The following AAMDC variants were observed in gnomAD, a reference collection of about 807,000 sequenced individuals.
AAMDC encodes the protein adipogenesis associated Mth938 domain containing.
Under a neutral mutation model 15.5 loss-of-function variants are expected in AAMDC, and 16 were observed. The ratio of observed to expected loss-of-function variants is 1.03; its 90% CI spans 0.70 to 1.57. AAMDC has a LOEUF of 1.57. Among genes scored for constraint, AAMDC ranks in the 40% most tolerant of loss-of-function variants. AAMDC has a pLI of 0.00. For missense variants in AAMDC, 141 were observed against 144.9 expected (o/e 0.97, Z 0.14); for synonymous variants, 51 against 51.6 (o/e 0.99, Z 0.05).
intron 1 of AAMDC, among the ~76,000 whole-genome samples, chr11:77,832,884 A>G (rs1248737137): frequency 6.6e-6 from 1 of 151,000 alleles, no homozygotes; most frequent in African/African-American, 2.4e-5. Context: ...TCCACAGACC[A>G]GGACAGAGAT....
At chr11:77,859,355 T>C (rs188931577) in intron 2 of AAMDC, among the ~76,000 whole-genome samples, 2 of 152,338 alleles carry the variant, frequency 1.3e-5, no homozygotes, top group East Asian at 3.9e-4. Flanking sequence ...CCCAGCAGTG[T>C]AAGACTGCTA....
intron 1 of AAMDC, chr11:77,831,888 T>C (rs1949444506): frequency 6.6e-6 from 1 of 150,964 alleles, no homozygotes; most frequent in African/African-American, 2.6e-5. Context: ...TTTTTTTTTT[T>C]TAGTAGAGAT....
intron 2 of AAMDC, among the ~76,000 whole-genome samples, chr11:77,861,974 AG>A (rs1368222435): frequency 1.3e-5 from 2 of 152,176 alleles, no homozygotes; most frequent in Non-Finnish European, 2.9e-5. Context: ...GGTGACAGAG[AG>A]GTGTGCTTTC....
intron 5 of AAMDC, among the ~76,000 whole-genome samples, chr11:77,890,758 G>T (rs1952227890): frequency 1.3e-5 from 2 of 152,230 alleles, no homozygotes; most frequent in Admixed American, 6.5e-5. Context: ...AAGGATGAAT[G>T]AGTGGACAGA....
At chr11:77,828,268 C>T (rs1335875700) in intron 1 of AAMDC, among the ~76,000 whole-genome samples, 2 of 151,880 alleles carry the variant, frequency 1.3e-5, no homozygotes, top group African/African-American at 4.8e-5. Context: ...GAGCGCAACT[C>T]TGTCTCAAAA....
chr11:77,832,107 C>A (rs73495941), intron 1 of AAMDC: 1 of 151,994 alleles, frequency 6.6e-6, no homozygotes, highest in Non-Finnish European at 1.5e-5. Flanking sequence ...TCTTGACATA[C>A]CTATGATATC....
chr11:77,882,300 G>A (rs1951824912), intron 5 of AAMDC, among the ~76,000 whole-genome samples: 1 of 152,162 alleles, frequency 6.6e-6, no homozygotes, highest in African/African-American at 2.4e-5. Flanking sequence ...ACCTTAAGAG[G>A]AAATGGGGCC....
At chr11:77,822,432 A>G (rs1315396321) in intron 1 of AAMDC, among the ~76,000 whole-genome samples, 1 of 151,356 alleles carries the variant, frequency 6.6e-6, no homozygotes, top group Admixed American at 6.6e-5. Flanking sequence ...AAAAAAAAAA[A>G]AAAGAATTTG....
intron 2 of AAMDC, among the ~76,000 whole-genome samples, chr11:77,850,097 TAAAC>T (rs1177939206): frequency 6.6e-6 from 1 of 152,256 alleles, no homozygotes; most frequent in African/African-American, 2.4e-5. Flanking sequence ...TAAATGTCAT[TAAAC>T]AAACTGTTTT....
rs767621885 is a variant in AAMDC, at chr11:77,869,799, G to A, written c.210G>A (p.Gly70=). ...KGVQTLVIGR[G]MSEALKVPSS... ...TACAGACTCTTGTGATTGGCCGAGGGATGAGTGAGGCCTTGAAGGTAGGTG... is the reference window on the plus strand; with the variant it reads ...TACAGACTCTTGTGATTGGCCGAGGAATGAGTGAGGCCTTGAAGGTAGGTG... The change falls in exon 3 of 4, where the codon GGG becomes GGA. Residue 70 remains glycine, a synonymous_variant. Transcript: ENST00000393427. The A allele has an allele frequency of 3.1e-6, 5 of 1,613,752 alleles. No individual in the cohort carries two copies. The African/African-American group carries it at 5.3e-5, about 17-fold the overall frequency.
At chr11:77,854,831 C>T (rs12418551) in intron 2 of AAMDC, among the ~76,000 whole-genome samples, 19,696 of 152,222 alleles carry the variant, frequency 0.13, 1,449 homozygotes, top group Admixed American at 0.2. Context: ...CCCACATTTG[C>T]CCTCCATACT....
intron 1 of AAMDC, among the ~76,000 whole-genome samples, chr11:77,830,574 C>T (rs1949375787): frequency 6.7e-6 from 1 of 149,956 alleles, no homozygotes; most frequent in African/African-American, 2.5e-5. Flanking sequence ...AGGCAAGGTG[C>T]CCCCGACCCC....
At chr11:77,831,937 T>A (rs571913120) in intron 1 of AAMDC, 11 of 148,592 alleles carry the variant, frequency 7.4e-5, no homozygotes, top group African/African-American at 2.7e-4. Context: ...CTTGAACTCC[T>A]GACCTCAAGT....
chr11:77,879,002 G>A, intron 5 of AAMDC: 1 of 1,614,162 alleles, frequency 6.2e-7, no homozygotes, highest in Non-Finnish European at 8.5e-7. Context: ...TTGCTGAAGG[G>A]AATGGTGCCC....
intron 5 of AAMDC, among the ~76,000 whole-genome samples, chr11:77,894,973 G>C (rs1952448833): frequency 6.6e-6 from 1 of 152,126 alleles, no homozygotes; most frequent in African/African-American, 2.4e-5. Flanking sequence ...TACTGTAAGG[G>C]CTCCAAGAAA....
intron 2 of AAMDC, among the ~76,000 whole-genome samples, chr11:77,844,402 G>A (rs938435540): frequency 7.9e-5 from 12 of 151,470 alleles, no homozygotes; most frequent in South Asian, 4.2e-4. Context: ...TCCCTCTGTC[G>A]TCCAGGCTAG....
At chr11:77,866,052 A>C (rs1951093668) in intron 2 of AAMDC, among the ~76,000 whole-genome samples, 1 of 152,252 alleles carries the variant, frequency 6.6e-6, no homozygotes, top group Admixed American at 6.5e-5. Flanking sequence ...ATCTGCTTTT[A>C]TCAGCAATAC....
intron 1 of AAMDC, chr11:77,832,075 C>T (rs986860953): frequency 6.6e-6 from 1 of 151,758 alleles, no homozygotes; most frequent in African/African-American, 2.4e-5. Flanking sequence ...CTTGTGACTT[C>T]ATTTTCTCTA....
chr11:77,901,434 G>A (rs767253348), downstream of AAMDC: 13 of 1,613,676 alleles, frequency 8.1e-6, no homozygotes, highest in East Asian at 2.2e-5. Context: ...CGTGTAGTTC[G>A]TGCTGTTACT....
Sources: gnomAD v4.1 joint callset for allele counts (sites outside exome capture counted in the v4.1 genomes callset) on GRCh38, gnomAD v4.1.1 for gene constraint, MANE v1.5 for transcripts, NCBI Gene and HGNC (gene_info 2026-07-23, HGNC 2026-07-21) for gene names.